The following MACROD2 variants were observed in gnomAD, a reference collection of about 807,000 sequenced individuals.
The protein encoded by MACROD2 is mono-ADP ribosylhydrolase 2, also known as ADP-ribose glycohydrolase MACROD2.
In MACROD2, 36 loss-of-function variants were observed where a neutral mutation model predicts 70.4. That is an observed-to-expected ratio of 0.51 (90% CI 0.39 to 0.68). The LOEUF is 0.68. Ranked by LOEUF, MACROD2 falls within the 30% of genes least tolerant of loss-of-function variation. The probability of loss-of-function intolerance (pLI) is 0.00; values close to 1 mark genes in which losing one functional copy is unlikely to be tolerated. For missense variants in MACROD2, 496 were observed against 538.4 expected, an observed-to-expected ratio of 0.92 and a Z score of 0.78; for synonymous variants, 172 against 178.8, an observed-to-expected ratio of 0.96 and a Z score of 0.30.
At chr20:14,410,850 C>G (rs997529130) in intron 3 of MACROD2, among the ~76,000 whole-genome samples, 1 of 152,146 alleles carries the variant, frequency 6.6e-6, no homozygotes, top group Non-Finnish European at 1.5e-5. Context: ...ACACAAACTG[C>G]TCAACTACAA....
intron 2 of MACROD2, among the ~76,000 whole-genome samples, chr20:14,024,955 C>T (rs1273458563): frequency 1.3e-5 from 2 of 152,130 alleles, no homozygotes; most frequent in Non-Finnish European, 2.9e-5. Flanking sequence ...GGTACCAGCT[C>T]CTCTTTGTGA....
chr20:14,977,547 G>A (rs1680171377), intron 5 of MACROD2, among the ~76,000 whole-genome samples: 1 of 151,776 alleles, frequency 6.6e-6, no homozygotes, highest in African/African-American at 2.4e-5. Flanking sequence ...CAAGCTGAAT[G>A]TGACTTGGGT....
chr20:15,615,804 G>A (rs968778561), intron 8 of MACROD2, among the ~76,000 whole-genome samples: 1 of 152,152 alleles, frequency 6.6e-6, no homozygotes, highest in Non-Finnish European at 1.5e-5. Context: ...GGGGAAGAAG[G>A]CAGGGAGGTA....
At chr20:14,778,221 G>A (rs908060314) in intron 5 of MACROD2, among the ~76,000 whole-genome samples, 1 of 152,084 alleles carries the variant, frequency 6.6e-6, no homozygotes, top group African/African-American at 2.4e-5. Context: ...GTATGATTTG[G>A]CAGTAAACAG....
At chr20:15,026,814 A>G (rs542184735) in intron 5 of MACROD2, among the ~76,000 whole-genome samples, 42 of 152,312 alleles carry the variant, frequency 2.8e-4, no homozygotes, top group Admixed American at 2.7e-3. Flanking sequence ...CAAGCTCATC[A>G]GCTTGCTAGG....
intron 4 of MACROD2, among the ~76,000 whole-genome samples, chr20:14,666,121 C>T (rs1345490624): frequency 6.6e-6 from 1 of 152,088 alleles, no homozygotes; most frequent in African/African-American, 2.4e-5. Context: ...ATCTCAGCCT[C>T]CTGCTCCTCC....
intron 2 of MACROD2, among the ~76,000 whole-genome samples, chr20:14,035,046 A>T (rs2053291149): frequency 1.3e-5 from 2 of 152,052 alleles, no homozygotes; most frequent in Non-Finnish European, 2.9e-5. Context: ...TAATTTCCTA[A>T]TTGGTTATTG....
chr20:14,631,705 C>CGGA (rs1984523118), intron 4 of MACROD2: 1 of 152,134 alleles, frequency 6.6e-6, no homozygotes, highest in Admixed American at 6.5e-5. Context: ...AACCCAGGAG[C>CGGA]GGAGGTTGCA....
intron 5 of MACROD2, among the ~76,000 whole-genome samples, chr20:15,056,729 T>C (rs754048375): frequency 8.5e-5 from 13 of 152,142 alleles, no homozygotes; most frequent in Non-Finnish European, 1.9e-4. Context: ...GAAAAAGAAA[T>C]GGTAAAACTA....
intron 3 of MACROD2, among the ~76,000 whole-genome samples, chr20:14,431,793 T>C (rs1971140745): frequency 6.6e-6 from 1 of 152,044 alleles, no homozygotes; most frequent in African/African-American, 2.4e-5. Flanking sequence ...TTTATCAGAG[T>C]TAGGGACAGA....
chr20:14,432,816 T>G (rs1279233199), intron 3 of MACROD2, among the ~76,000 whole-genome samples: 1 of 152,134 alleles, frequency 6.6e-6, no homozygotes, highest in Non-Finnish European at 1.5e-5. Context: ...CATTATCTTA[T>G]GGTAGTAAAT....
chr20:14,860,372 T>A (rs1180532162), intron 5 of MACROD2, among the ~76,000 whole-genome samples: 1 of 151,988 alleles, frequency 6.6e-6, no homozygotes, highest in Non-Finnish European at 1.5e-5. Context: ...AGCAAAGCAA[T>A]CTGTGTGATA....
chr20:15,120,099 A>G (rs1327401469), intron 5 of MACROD2, among the ~76,000 whole-genome samples: 1 of 152,238 alleles, frequency 6.6e-6, no homozygotes, highest in Non-Finnish European at 1.5e-5. Flanking sequence ...TTTTAATGAC[A>G]GACACATCCT....
rs2065861039 is a variant in MACROD2 at position 15,948,530 on chromosome 20, CTCT to C, written c.907+10988_907+10990del. Among the ~76,000 whole-genome samples, 3 of 150,164 alleles carry C rather than the reference CTCT, an allele frequency of 2.0e-5. No homozygotes were observed. The South Asian group carries it at 6.3e-4, about 31-fold the overall frequency. ...ATAAAAGAAATTCCCTTTCAGAATT[CTCT>C]TGTTTCAGAAGTAAATTTTCCCAAA... On this transcript the variant is annotated intron_variant, in intron 12 of 17. Transcript: ENST00000684519.
At chr20:15,754,982 C>T (rs2051327119) in intron 8 of MACROD2, among the ~76,000 whole-genome samples, 1 of 152,008 alleles carries the variant, frequency 6.6e-6, no homozygotes, top group African/African-American at 2.4e-5. Flanking sequence ...CCTTAGCCTC[C>T]TGGGTAGTTG....
At chr20:14,314,233 G>C (rs1345181672) in intron 3 of MACROD2, among the ~76,000 whole-genome samples, 1 of 152,106 alleles carries the variant, frequency 6.6e-6, no homozygotes, top group African/African-American at 2.4e-5. Context: ...ACCTTTACCA[G>C]AAGGCAGCAG....
At chr20:15,148,711 G>A (rs1295826815) in intron 5 of MACROD2, among the ~76,000 whole-genome samples, 6 of 152,040 alleles carry the variant, frequency 3.9e-5, no homozygotes, top group Admixed American at 2.0e-4. Flanking sequence ...CAAATGGGCC[G>A]TACCCTGTAG....
intron 8 of MACROD2, among the ~76,000 whole-genome samples, chr20:15,593,211 T>G (rs774163416): frequency 9.9e-5 from 15 of 152,196 alleles, no homozygotes; most frequent in Non-Finnish European, 1.8e-4. Flanking sequence ...TTGCACATTA[T>G]CCTCATCTCA....
intron 3 of MACROD2, among the ~76,000 whole-genome samples, chr20:14,230,876 T>C (rs1357919899): frequency 1.3e-5 from 2 of 151,460 alleles, no homozygotes; most frequent in Non-Finnish European, 2.9e-5. Context: ...CCTTGATCCA[T>C]GGACTACTGA....
Sources: allele counts gnomAD v4.1 joint callset (sites outside exome capture counted in the v4.1 genomes callset), GRCh38; gene constraint gnomAD v4.1.1; transcripts MANE v1.5; gene names NCBI Gene and HGNC (gene_info 2026-07-23, HGNC 2026-07-21).